Variants in ARFGEF2 observed in about 807,000 individuals in gnomAD.
ARFGEF2 encodes ARF guanine nucleotide exchange factor 2.
In ARFGEF2, 74 loss-of-function variants were observed where a neutral mutation model predicts 219.9. The ratio of observed to expected loss-of-function variants is 0.34; its 90% CI spans 0.28 to 0.41. ARFGEF2 has a LOEUF of 0.41. Ranked by LOEUF, ARFGEF2 falls within the 10% of genes least tolerant of loss-of-function variation. The pLI, the probability that ARFGEF2 is intolerant of heterozygous loss-of-function variation, is 1.00. For missense variants in ARFGEF2, 1,743 were observed against 2,218.3 expected (o/e 0.79, Z 4.30); for synonymous variants, 733 against 799.2 (o/e 0.92, Z 1.40).
chr20:49,007,583 C>A (rs1194097816), intron 26 of ARFGEF2, among the ~76,000 whole-genome samples: 1 of 145,290 alleles, frequency 6.9e-6, no homozygotes, highest in African/African-American at 2.5e-5. Context: ...GCCGCCACAC[C>A]TGGTGTTGCT....
chr20:48,935,062 T>C (rs969593906), intron 1 of ARFGEF2, among the ~76,000 whole-genome samples: 3 of 152,008 alleles, frequency 2.0e-5, no homozygotes, highest in African/African-American at 7.3e-5. Context: ...TGGCGTGAGA[T>C]GGTATCTCGT....
chr20:49,018,955 C>G lies in ARFGEF2; in HGVS notation c.4581C>G (p.Leu1527=). 1 of 1,614,052 alleles carries G rather than the reference C, an allele frequency of 6.2e-7. No homozygotes were observed. The highest frequency in any genetic ancestry group is 2.2e-5 in the East Asian group (1 of 44,884). ...CCTCTGAGAGGGGACAGAGCCAGCT[C>G]TCTAACCCAACAGATGACAGCTGGA... The part of the protein sequence containing the change: ...KNPSERGQSQ[L]SNPTDDSWKG... Residue 1527 remains leucine (L), a synonymous_variant, in exon 34 of 39, where the codon CTC becomes CTG. Coordinates refer to ENST00000371917, the MANE Select transcript of ARFGEF2 (RefSeq NM_006420.3).
chr20:49,012,095 C>T lies in ARFGEF2; in HGVS notation c.3918+11C>T. On this transcript the variant is annotated intron_variant, in intron 28 of 38. Coordinates refer to ENST00000371917, the MANE Select transcript of ARFGEF2 (RefSeq NM_006420.3). ...TCTGAGAGGCCTCGGGTTCGTTTTT[C>T]CCCACCTTACTCAGATGGGCAGTGA... 6.2e-7 allele frequency: 1 copy of T among 1,614,124 alleles called. No individual in the cohort carries two copies.
chr20:49,007,126 G>A (rs2091465903), intron 26 of ARFGEF2, among the ~76,000 whole-genome samples: 1 of 152,136 alleles, frequency 6.6e-6, no homozygotes, highest in African/African-American at 2.4e-5. Flanking sequence ...GGGAGCAGTG[G>A]CAGTGATGGA....
At chr20:49,028,749 AAG>A in intron 37 of ARFGEF2, 81 bp downstream of exon 37, 1 of 1,494,884 alleles carries the variant, frequency 6.7e-7, no homozygotes, top group Middle Eastern at 1.8e-4. Flanking sequence ...TGAAAAGAGT[AAG>A]AGAAAAATAC....
intron 35 of ARFGEF2, among the ~76,000 whole-genome samples, chr20:49,023,864 T>G (rs1422030103): frequency 2.6e-5 from 4 of 152,022 alleles, no homozygotes; most frequent in African/African-American, 9.7e-5. Flanking sequence ...CACAAATAAG[T>G]GAGGAGGAAA....
intron 21 of ARFGEF2, among the ~76,000 whole-genome samples, chr20:48,991,829 ATGT>A (rs1037028545): frequency 9.9e-5 from 15 of 152,176 alleles, no homozygotes; most frequent in African/African-American, 3.4e-4. Flanking sequence ...ATTTAAAATA[ATGT>A]TGTGGAAAAA....
At chr20:48,927,735 C>G (rs546652389) in intron 1 of ARFGEF2, among the ~76,000 whole-genome samples, 1 of 152,000 alleles carries the variant, frequency 6.6e-6, no homozygotes, top group African/African-American at 2.4e-5. Context: ...CATAACAAGA[C>G]TTTAAATTGA....
chr20:49,010,967 A>G (rs991072153), intron 27 of ARFGEF2, among the ~76,000 whole-genome samples: 1 of 152,210 alleles, frequency 6.6e-6, no homozygotes, highest in Admixed American at 6.5e-5. Flanking sequence ...AATGTGGCCT[A>G]TCGAGTGCCA....
At chr20:49,014,880 CAAA>C (rs1464653007) in intron 30 of ARFGEF2, among the ~76,000 whole-genome samples, 2 of 152,090 alleles carry the variant, frequency 1.3e-5, no homozygotes, top group African/African-American at 2.4e-5. Flanking sequence ...CAGACAAAAA[CAAA>C]GAAGAATTTA....
chr20:48,959,594 TTTCCC>T (rs2091132588), intron 6 of ARFGEF2, among the ~76,000 whole-genome samples: 2 of 44,562 alleles, frequency 4.5e-5, no homozygotes, highest in East Asian at 7.6e-4. Context: ...TCCCTCCCTC[TTTCCC>T]TCCTTCCCTC....
chr20:48,950,823 T>C (rs1422832485), intron 3 of ARFGEF2, among the ~76,000 whole-genome samples: 1 of 108,766 alleles, frequency 9.2e-6, no homozygotes, highest in Non-Finnish European at 1.7e-5. Context: ...TATATATATA[T>C]ATATATATAT....
In ARFGEF2 at chr20:48,953,758, A is replaced by G. The variant is rs145245951; in HGVS notation, c.806A>G (p.Asp269Gly). 3.1e-6 allele frequency: 5 copies of G among 1,614,090 alleles called. No homozygotes were observed. The highest frequency in any genetic ancestry group is 4.2e-6 in the Non-Finnish European group (5 of 1,180,006). ...DSGKVSTENG[D>G]APRERGSSLS... ...GGAAAAGTAAGCACAGAAAATGGAG[A>G]CGCACCCAGAGAAAGAGGCTCATCA... The change falls in exon 6 of 39, where the codon GAC (aspartate) becomes GGC (glycine). Residue 269 changes from aspartate (D) to glycine (G), a missense_variant. Physicochemically the swap from Asp to Gly is moderately conservative, Grantham distance 94 (BLOSUM62 -1). Around this residue, in one of 5 missense-constraint regions of ARFGEF2, gnomAD observed 394 missense variants for 426.6 expected, o/e 0.92. Coordinates refer to ENST00000371917, the MANE Select transcript of ARFGEF2 (RefSeq NM_006420.3).
intron 38 of ARFGEF2, 94 bp downstream of exon 38, chr20:49,032,260 C>T: frequency 1.1e-6 from 1 of 893,088 alleles, no homozygotes. Context: ...TTTCTCAGTT[C>T]TCCCAAGGAT....
intron 21 of ARFGEF2, among the ~76,000 whole-genome samples, chr20:48,992,400 A>G (rs918601422): frequency 3.3e-5 from 5 of 152,206 alleles, no homozygotes; most frequent in African/African-American, 1.2e-4. Context: ...TGGAGAATGT[A>G]AAGGACAGTT....
rs1255941051 is a variant in ARFGEF2 at position 49,033,648 on chromosome 20, GTTGT to G, written c.*453_*456del. ...CCACCTAAAATATGCTGGGTTTTCT[GTTGT>G]TTGAGTGTGTTAGAGAAATTTGAAT... On this transcript the variant is annotated 3_prime_UTR_variant, in exon 39 of 39. Coordinates refer to ENST00000371917, the MANE Select transcript of ARFGEF2 (RefSeq NM_006420.3). 5.8e-6 allele frequency: 1 copy of G among 171,800 alleles called. No individual in the cohort carries two copies. Among genetic ancestry groups the G allele is most frequent in the Non-Finnish European group, 1.3e-5 (1 of 78,272 alleles). 10.6% of individuals were successfully genotyped at this position (171,800 alleles called of 1,614,324 possible). A position where few individuals can be genotyped will look rare whatever the true frequency, so the allele number is the denominator to read the frequency against.
At chr20:48,981,613 C>A (rs2091296289) in intron 14 of ARFGEF2, among the ~76,000 whole-genome samples, 1 of 152,128 alleles carries the variant, frequency 6.6e-6, no homozygotes, top group South Asian at 2.1e-4. Context: ...CACTTTCAGG[C>A]ATACCAATCA....
At chr20:49,018,771 C>A in intron 33 of ARFGEF2, 113 bp from the exon 34 acceptor site, 1 of 785,480 alleles carries the variant, frequency 1.3e-6, no homozygotes, top group African/African-American at 1.7e-5. Flanking sequence ...TTATTTTGAG[C>A]TAAGCAAGGC....
intron 25 of ARFGEF2, among the ~76,000 whole-genome samples, chr20:49,004,356 A>G (rs1230352981): frequency 6.6e-6 from 1 of 152,078 alleles, no homozygotes; most frequent in African/African-American, 2.4e-5. Flanking sequence ...AGAAAAGAAA[A>G]GAGTTCTGAT....
Sources: allele counts gnomAD v4.1 joint callset (sites outside exome capture counted in the v4.1 genomes callset), GRCh38; gene constraint gnomAD v4.1.1; regional missense constraint gnomAD v4.1.1; transcripts MANE v1.5; gene names NCBI Gene and HGNC (gene_info 2026-07-23, HGNC 2026-07-21).